Variants in C12orf42 observed in about 807,000 individuals in gnomAD.
C12orf42 encodes the protein uncharacterized protein C12orf42.
Under a neutral mutation model 21.6 loss-of-function variants are expected in C12orf42, and 25 were observed. The ratio of observed to expected loss-of-function variants is 1.16; its 90% confidence interval spans 0.84 to 1.62. The LOEUF (loss-of-function observed/expected upper bound fraction) is 1.62. Ranked by LOEUF, C12orf42 falls within the 40% of genes most tolerant of loss-of-function variation. C12orf42 has a pLI of 0.00. For missense variants in C12orf42, 483 were observed against 459.3 expected (o/e 1.05, Z -0.47); for synonymous variants, 174 against 175.0 (o/e 0.99, Z 0.05).
chr12:103,433,098 G>A (rs967063676), intron 2 of C12orf42, among the ~76,000 whole-genome samples: 1 of 152,080 alleles, frequency 6.6e-6, no homozygotes, highest in East Asian at 1.9e-4. Flanking sequence ...GTATTATCCA[G>A]GCCATAGCTT....
chr12:103,249,113 G>T (rs2034153346), intron 10 of C12orf42, among the ~76,000 whole-genome samples: 1 of 151,974 alleles, frequency 6.6e-6, no homozygotes, highest in Admixed American at 6.6e-5. Context: ...GGGGCCCTGA[G>T]GGAGGTCATA....
At chr12:103,454,538 A>G (rs755355818) in intron 2 of C12orf42, among the ~76,000 whole-genome samples, 1 of 152,162 alleles carries the variant, frequency 6.6e-6, no homozygotes, top group Non-Finnish European at 1.5e-5. Flanking sequence ...GTATCCAAAA[A>G]AGACCTTATC....
the C12orf42 span, among the ~76,000 whole-genome samples, chr12:103,135,272 T>C: frequency 6.6e-6 from 1 of 151,982 alleles, no homozygotes; most frequent in East Asian, 1.9e-4. Context: ...CTGGGCAACA[T>C]GGCAAAATCC....
the C12orf42 span, among the ~76,000 whole-genome samples, chr12:103,052,177 A>G: frequency 6.6e-6 from 1 of 152,120 alleles, no homozygotes; most frequent in Admixed American, 6.6e-5. Flanking sequence ...TTTTCTGTAT[A>G]TATGTATACA....
the C12orf42 span, among the ~76,000 whole-genome samples, chr12:103,522,254 G>C: frequency 7.2e-5 from 11 of 152,128 alleles, 1 homozygote; most frequent in African/African-American, 2.4e-5. Context: ...CCTGCCACCA[G>C]GTAAGGCATC....
intron 2 of C12orf42, among the ~76,000 whole-genome samples, chr12:103,473,420 C>T (rs1953781099): frequency 6.6e-6 from 1 of 152,154 alleles, no homozygotes. Context: ...GACCCCAGGC[C>T]ATGCTAAAAG....
chr12:103,304,020 C>CA (rs1240405494), intron 5 of C12orf42, among the ~76,000 whole-genome samples: 9 of 151,794 alleles, frequency 5.9e-5, no homozygotes, highest in East Asian at 1.9e-4. Context: ...TGTCTTGAGC[C>CA]AAAAAAATAG....
intron 4 of C12orf42, among the ~76,000 whole-genome samples, chr12:103,324,301 G>T (rs1566081625): frequency 6.6e-6 from 1 of 151,950 alleles, no homozygotes; most frequent in African/African-American, 2.4e-5. Context: ...TAGAAGAAGA[G>T]ATAATAACTT....
chr12:103,505,955 C>A, the C12orf42 span: 1 of 164,082 alleles, frequency 6.1e-6, no homozygotes, highest in African/African-American at 2.4e-5. Flanking sequence ...CAGGCAGAGC[C>A]CCCCATTGAG....
chr12:103,155,927 C>G, the C12orf42 span, among the ~76,000 whole-genome samples: 1 of 150,654 alleles, frequency 6.6e-6, no homozygotes, highest in Non-Finnish European at 1.5e-5. Context: ...CCTTTGTATT[C>G]TTCTACATCT....
intron 10 of C12orf42, among the ~76,000 whole-genome samples, chr12:103,260,179 C>T (rs2136221268): frequency 6.6e-6 from 1 of 152,242 alleles, no homozygotes; most frequent in South Asian, 2.1e-4. Flanking sequence ...AAATTGGCTT[C>T]TTTATAATTT....
At chr12:103,463,431 T>C (rs1374979141) in intron 2 of C12orf42, among the ~76,000 whole-genome samples, 3 of 152,138 alleles carry the variant, frequency 2.0e-5, no homozygotes, top group African/African-American at 7.2e-5. Flanking sequence ...ATATCACATA[T>C]AGTGAGATAA....
chr12:103,294,967 G>A (rs1418699787), intron 4 of C12orf42, among the ~76,000 whole-genome samples: 1 of 152,094 alleles, frequency 6.6e-6, no homozygotes, highest in Non-Finnish European at 1.5e-5. Context: ...TTCCCTTCAT[G>A]TGTCCATGTG....
At chr12:103,107,005 A>G in the C12orf42 span, among the ~76,000 whole-genome samples, 1 of 151,992 alleles carries the variant, frequency 6.6e-6, no homozygotes, top group Non-Finnish European at 1.5e-5. Flanking sequence ...TGTTAGGCAA[A>G]TAAGCCTTTA....
At chr12:103,107,339 C>T in the C12orf42 span, among the ~76,000 whole-genome samples, 10 of 151,914 alleles carry the variant, frequency 6.6e-5, no homozygotes, top group African/African-American at 1.9e-4. Flanking sequence ...GTAAGCACAC[C>T]GTTAACATTT....
At chr12:103,083,526 T>C in the C12orf42 span, among the ~76,000 whole-genome samples, 3 of 152,232 alleles carry the variant, frequency 2.0e-5, no homozygotes, top group East Asian at 3.8e-4. Context: ...ACTAGAAGTA[T>C]AGTGAAAACA....
At chr12:103,102,864 G>A in the C12orf42 span, among the ~76,000 whole-genome samples, 2 of 152,078 alleles carry the variant, frequency 1.3e-5, no homozygotes, top group Admixed American at 1.3e-4. Flanking sequence ...CCAAGCTCAT[G>A]TGACTCTTGG....
the C12orf42 span, among the ~76,000 whole-genome samples, chr12:103,135,464 A>G: frequency 6.6e-6 from 1 of 151,948 alleles, no homozygotes; most frequent in East Asian, 1.9e-4. Context: ...CTCAAAAAGA[A>G]AAAAAGAAAA....
In C12orf42 at chr12:103,318,683, T is replaced by G. The variant is rs77259964; in HGVS notation, c.260-12338A>C. 8.5e-3 allele frequency among the ~76,000 whole-genome samples: 1,298 copies of G among 152,282 alleles called. 9 individuals carry two copies. The highest frequency in any genetic ancestry group is 0.03 in the African/African-American group (1,232 of 41,544). On this transcript the variant is annotated intron_variant, in intron 4 of 5. Coordinates refer to ENST00000548883, the MANE Select transcript of C12orf42 (RefSeq NM_198521.5). ...TAATTGTGGGCTGAGTTTCAGTCCC[T>G]TTCCTTTCTCCTGCCCCGTGTATTC...
Sources: allele counts gnomAD v4.1 joint callset (sites outside exome capture counted in the v4.1 genomes callset), GRCh38; gene constraint gnomAD v4.1.1; transcripts MANE v1.5; gene names NCBI Gene and HGNC (gene_info 2026-07-23, HGNC 2026-07-21).